Variants in VGLL3 observed in about 807,000 individuals in gnomAD.
VGLL3 encodes vestigial like family member 3.
In VGLL3, 18 loss-of-function variants were observed where a neutral mutation model predicts 29.2. The ratio of observed to expected loss-of-function variants is 0.62; its 90% confidence interval spans 0.43 to 0.91. The LOEUF is 0.91. Among genes scored for constraint, VGLL3 ranks in the 40% least tolerant of loss-of-function variants. The pLI, the probability that VGLL3 is intolerant of heterozygous loss-of-function variation, is 0.00. For missense variants in VGLL3, 440 were observed against 413.2 expected (o/e 1.06, Z -0.56); for synonymous variants, 180 against 151.8 (o/e 1.19, Z -1.36).
chr3:86,977,753 T>C (rs1705240406), intron 2 of VGLL3, among the ~76,000 whole-genome samples: 1 of 152,192 alleles, frequency 6.6e-6, no homozygotes, highest in Non-Finnish European at 1.5e-5. Context: ...TTTTACTAGA[T>C]CATTCCTATA....
intron 2 of VGLL3, among the ~76,000 whole-genome samples, chr3:86,977,095 G>A (rs1023315210): frequency 6.6e-5 from 10 of 152,034 alleles, no homozygotes; most frequent in Admixed American, 2.0e-4. Flanking sequence ...ATGTTTTTCA[G>A]TTCATTTCCA....
intron 3 of VGLL3, among the ~76,000 whole-genome samples, chr3:86,956,503 T>G: frequency 6.6e-6 from 1 of 152,108 alleles, no homozygotes; most frequent in Non-Finnish European, 1.5e-5. Flanking sequence ...AAGAAAATAC[T>G]TGGCCTGGCG....
intron 1 of VGLL3, chr3:86,990,282 G>C (rs1024714235): frequency 9.2e-6 from 9 of 982,600 alleles, no homozygotes; most frequent in African/African-American, 1.7e-5. Context: ...ATAGTTGGTT[G>C]AAAGGAAGTT....
intron 3 of VGLL3, among the ~76,000 whole-genome samples, chr3:86,949,101 A>C (rs1036436819): frequency 1.3e-5 from 2 of 152,304 alleles, no homozygotes; most frequent in Non-Finnish European, 1.5e-5. Flanking sequence ...GTAATCATCA[A>C]GTGGTTTGCC....
rs574157219 is a variant in VGLL3 at position 86,980,155 on chromosome 3, C to T, written c.127-1353G>A. On this transcript the variant is annotated intron_variant, in intron 1 of 3. Coordinates refer to ENST00000398399, the MANE Select transcript of VGLL3 (RefSeq NM_016206.4). ...TTTTTTTTTTTTACTTTGAAAAAAACGCATGCTGGAAAATGAATGTGAGTA... is the reference window on the plus strand; with the variant it reads ...TTTTTTTTTTTTACTTTGAAAAAAATGCATGCTGGAAAATGAATGTGAGTA... Among the ~76,000 whole-genome samples the T allele has an allele frequency of 1.2e-4, 17 of 146,936 alleles. No individual in the cohort carries two copies. In the East Asian group the frequency reaches 2.6e-3, roughly 22 times the overall value.
intron 3 of VGLL3, among the ~76,000 whole-genome samples, chr3:86,954,530 A>G (rs906024279): frequency 5.9e-5 from 9 of 152,240 alleles, no homozygotes; most frequent in African/African-American, 2.2e-4. Context: ...AAGTACTTAA[A>G]GCATCAGGAT....
At chr3:86,954,468 C>T (rs1441424311) in intron 3 of VGLL3, among the ~76,000 whole-genome samples, 3 of 152,186 alleles carry the variant, frequency 2.0e-5, no homozygotes, top group African/African-American at 7.2e-5. Context: ...TAGCGACATC[C>T]ACTTCCTCAG....
At chr3:86,969,904 G>A (rs1705057260) in intron 2 of VGLL3, among the ~76,000 whole-genome samples, 2 of 152,060 alleles carry the variant, frequency 1.3e-5, no homozygotes, top group Admixed American at 1.3e-4. Flanking sequence ...TAGAGAAGAA[G>A]CCTAAGGCTT....
At position 86,940,711 on chromosome 3, in the gene VGLL3, A is replaced by G. The variant is rs1280028119; in HGVS notation, c.*6313T>C. The G allele has an allele frequency of 6.6e-6, 1 of 152,094 alleles. No homozygotes were observed. The highest frequency in any genetic ancestry group is 2.4e-5 in the African/African-American group (1 of 41,444). 9.4% of individuals were successfully genotyped at this position (152,094 alleles called of 1,614,324 possible). ...TTATTACAAAGTCTTCCATCATCTTATATCATTGACACATATTATGAGACC... is the reference window on the plus strand; with the variant it reads ...TTATTACAAAGTCTTCCATCATCTTGTATCATTGACACATATTATGAGACC... On this transcript the variant is annotated 3_prime_UTR_variant, in exon 4 of 4. Coordinates refer to ENST00000398399, the MANE Select transcript of VGLL3 (RefSeq NM_016206.4).
intron 3 of VGLL3, among the ~76,000 whole-genome samples, chr3:86,958,879 G>GT (rs988514582): frequency 2.6e-5 from 4 of 152,084 alleles, no homozygotes; most frequent in African/African-American, 9.7e-5. Context: ...TAACTCTGAT[G>GT]TTTTTTTCCT....
chr3:86,960,683 T>C (rs545422222), intron 3 of VGLL3, among the ~76,000 whole-genome samples: 1 of 152,174 alleles, frequency 6.6e-6, no homozygotes, highest in African/African-American at 2.4e-5. Flanking sequence ...CAGTCTTGAT[T>C]TCACTTGTAT....
At chr3:86,966,707 C>A (rs1704966937) in intron 3 of VGLL3, among the ~76,000 whole-genome samples, 1 of 141,334 alleles carries the variant, frequency 7.1e-6, no homozygotes, top group African/African-American at 2.6e-5. Flanking sequence ...GTTTCTTATT[C>A]ATAAATGAAA....
At chr3:86,957,880 C>A (rs1323105961) in intron 3 of VGLL3, among the ~76,000 whole-genome samples, 4 of 152,012 alleles carry the variant, frequency 2.6e-5, no homozygotes, top group Admixed American at 2.6e-4. Context: ...ATATATTCTT[C>A]TTCTAAAGTC....
chr3:86,986,052 C>T (rs1705434558), intron 1 of VGLL3, among the ~76,000 whole-genome samples: 1 of 92,596 alleles, frequency 1.1e-5, no homozygotes, highest in Admixed American at 1.2e-4. Context: ...CGTATACACA[C>T]ACACACATAT....
At chr3:86,961,748 G>T (rs941292033) in intron 3 of VGLL3, among the ~76,000 whole-genome samples, 32 of 152,004 alleles carry the variant, frequency 2.1e-4, no homozygotes, top group Admixed American at 5.9e-4. Context: ...GTTAACCTAG[G>T]TTACACGCAG....
chr3:86,978,710 C>A lies in VGLL3; in HGVS notation c.219G>T (p.Glu73Asp), dbSNP rs765837439. The change falls in exon 2 of 4, where the codon GAG becomes GAT. Residue 73 changes from glutamate to aspartate, a missense_variant. Transcript: ENST00000398399. ...CCATCTCGGCAGGCTGGTCTTTCTC[C>A]TCCTCCTCCTCCTCCTCATCCTCCT... Reference protein sequence around the residue: ...QEEEDEEEEEEEKDQPAEMEY... With the variant: ...QEEEDEEEEEDEKDQPAEMEY... 6.2e-7 allele frequency: 1 copy of A among 1,612,906 alleles called. No homozygotes were observed. The highest frequency in any genetic ancestry group is 8.5e-7 in the Non-Finnish European group (1 of 1,179,398).
chr3:86,964,447 C>T (rs1309191109), intron 3 of VGLL3, among the ~76,000 whole-genome samples: 1 of 152,126 alleles, frequency 6.6e-6, no homozygotes, highest in African/African-American at 2.4e-5. Context: ...CAAGTAGATA[C>T]AGTGAAAAAA....
At chr3:86,978,420 G>A in intron 2 of VGLL3, 106 bp downstream of exon 2, 2 of 1,277,102 alleles carry the variant, frequency 1.6e-6, no homozygotes, top group Non-Finnish European at 2.2e-6. Flanking sequence ...ATATTAAAAA[G>A]CAAGTGGATA....
At chr3:86,961,863 T>C (rs536994872) in intron 3 of VGLL3, 1 of 886,102 alleles carries the variant, frequency 1.1e-6, no homozygotes, top group Non-Finnish European at 1.4e-6. Context: ...CCTCAAAAAA[T>C]GTGTTCATCA....
Sources: gnomAD v4.1 joint callset for allele counts (sites outside exome capture counted in the v4.1 genomes callset) on GRCh38, gnomAD v4.1.1 for gene constraint, MANE v1.5 for transcripts, NCBI Gene and HGNC (gene_info 2026-07-23, HGNC 2026-07-21) for gene names.